APOL4: variants seen among roughly 807,000 people sequenced by gnomAD.
The protein encoded by APOL4 is apolipoprotein L4.
APOL4 carries 14 observed loss-of-function variants against 12.1 expected under a neutral mutation model. That is an observed-to-expected ratio of 1.16 (90% CI 0.76 to 1.81). The LOEUF (loss-of-function observed/expected upper bound fraction) is 1.81. Ranked by LOEUF, APOL4 falls within the 40% of genes most tolerant of loss-of-function variation. The pLI, the probability that APOL4 is intolerant of heterozygous loss-of-function variation, is 0.00. For synonymous variants in APOL4, 171 were observed against 160.6 expected (o/e 1.06, Z -0.49); for missense variants, 432 against 423.1 (o/e 1.02, Z -0.18).
chr22:36,191,296 C>A lies in APOL4; in HGVS notation c.826G>T (p.Gly276Trp). 6.2e-7 allele frequency: 1 copy of A among 1,614,048 alleles called. No individual in the cohort carries two copies. The change falls in exon 4 of 4, where the codon GGG becomes TGG. Residue 276 changes from glycine to tryptophan, a missense_variant. By Grantham distance (184) the Gly-to-Trp change is radical. Transcript: ENST00000683024. ...INVVETLRTRGAPTRIVRKVA... is the reference protein window; with the variant it reads ...INVVETLRTRWAPTRIVRKVA... ...TTTCTCACTATCCGGGTGGGGGCCC[C>A]ACGTGTTCTCAGTGTCTCAACAACA...
At chr22:36,203,122 T>C (rs374522133), upstream of APOL4, among the ~76,000 whole-genome samples, 23 of 152,276 alleles carry the variant, frequency 1.5e-4, no homozygotes, top group East Asian at 2.3e-3. Flanking sequence ...ACCTTCTCAC[T>C]CCCCTGTCTC....
chr22:36,193,881 G>T (rs1256535018), intron 3 of APOL4, among the ~76,000 whole-genome samples: 1 of 152,134 alleles, frequency 6.6e-6, no homozygotes, highest in Non-Finnish European at 1.5e-5. Flanking sequence ...ACTGCCTCCT[G>T]ACCTGGCACC....
chr22:36,202,461 C>T (rs992540470), upstream of APOL4, among the ~76,000 whole-genome samples: 4 of 152,308 alleles, frequency 2.6e-5, no homozygotes, highest in East Asian at 7.7e-4. Context: ...GGAGCGGTGG[C>T]TCACGCCTGT....
At chr22:36,195,237 C>G in intron 3 of APOL4, 74 bp downstream of exon 3, 2 of 1,548,008 alleles carry the variant, frequency 1.3e-6, no homozygotes, top group Non-Finnish European at 1.7e-6. Context: ...GTGTGCCTGC[C>G]AGAGAAAACT....
intron 1 of APOL4, among the ~76,000 whole-genome samples, chr22:36,199,770 G>A (rs1337786810): frequency 1.3e-5 from 2 of 152,198 alleles, no homozygotes; most frequent in Non-Finnish European, 2.9e-5. Context: ...TGTATTGAGT[G>A]TCTGTGATGT....
At chr22:36,191,989 C>G in intron 3 of APOL4, 77 bp from the exon 4 acceptor site, 1 of 1,226,736 alleles carries the variant, frequency 8.2e-7, no homozygotes, top group Non-Finnish European at 1.1e-6. Flanking sequence ...ATCTATTCTG[C>G]ATAAATCACA....
upstream of APOL4, among the ~76,000 whole-genome samples, chr22:36,203,406 A>G (rs751699758): frequency 1.3e-5 from 2 of 152,254 alleles, no homozygotes; most frequent in Non-Finnish European, 2.9e-5. Flanking sequence ...TAATTCTTTA[A>G]CATAACATTC....
At chr22:36,199,699 G>T in intron 1 of APOL4, 2 of 1,501,806 alleles carry the variant, frequency 1.3e-6, no homozygotes, top group Non-Finnish European at 1.8e-6. Flanking sequence ...AATAGAGATG[G>T]GAAGGAACGT....
chr22:36,195,665 A>C (rs2146940631), intron 2 of APOL4, among the ~76,000 whole-genome samples: 1 of 152,114 alleles, frequency 6.6e-6, no homozygotes, highest in East Asian at 1.9e-4. Context: ...GAAGTCATTA[A>C]TTTAAAGGGA....
At chr22:36,202,653 G>A (rs2014617858), upstream of APOL4, among the ~76,000 whole-genome samples, 3 of 152,074 alleles carry the variant, frequency 2.0e-5, no homozygotes, top group African/African-American at 7.2e-5. Context: ...GTGAACCCGG[G>A]AGGCGGAGCT....
intron 2 of APOL4, among the ~76,000 whole-genome samples, chr22:36,195,788 A>T (rs931738432): frequency 2.0e-4 from 30 of 148,980 alleles, no homozygotes; most frequent in African/African-American, 6.9e-4. Context: ...ACACACACAC[A>T]CACACACACA....
Position 36,190,285 on chromosome 22 carries a change from G to C in APOL4, c.*790C>G, listed in dbSNP as rs1389875843. 6.6e-6 allele frequency: 1 copy of C among 152,168 alleles called. No homozygotes were observed. Among genetic ancestry groups the C allele is most frequent in the Non-Finnish European group, 1.5e-5 (1 of 68,042 alleles). 9.4% of individuals were successfully genotyped at this position (152,168 alleles called of 1,614,324 possible). On this transcript the variant is annotated 3_prime_UTR_variant, in exon 4 of 4. Transcript: ENST00000683024. ...AATATCACAAGGCAAGTGGAGGCAG[G>C]GCGAGATCACAGGAACACAGGACCG... is the stretch of plus-strand genomic sequence containing the variant.
intron 2 of APOL4, among the ~76,000 whole-genome samples, chr22:36,196,027 G>A (rs2014405297): frequency 6.6e-6 from 1 of 152,200 alleles, no homozygotes; most frequent in Non-Finnish European, 1.5e-5. Context: ...GAAGTGCCAC[G>A]ATGCTTTGTG....
At chr22:36,193,695 C>A (rs1339391426) in intron 3 of APOL4, among the ~76,000 whole-genome samples, 1 of 152,224 alleles carries the variant, frequency 6.6e-6, no homozygotes, top group East Asian at 1.9e-4. Flanking sequence ...CTTAAGAATT[C>A]AAACACAACC....
rs1242639244 is a variant in APOL4 at position 36,201,781 on chromosome 22, C to T, written c.-47G>A. The T allele has an allele frequency of 1.3e-6, 2 of 1,589,348 alleles. No homozygotes were observed. The highest frequency in any genetic ancestry group is 1.7e-6 in the Non-Finnish European group (2 of 1,167,568). On this transcript the variant is annotated 5_prime_UTR_variant, in exon 1 of 4. Coordinates refer to ENST00000683024, the MANE Select transcript of APOL4 (RefSeq NM_001386885.1). ...TGGCTCAGACGCTGATCTGGGGCCT[C>T]TGCTGAATGTTGAGGCTGGATACTG...
At chr22:36,202,813 T>G (rs2014625426), upstream of APOL4, among the ~76,000 whole-genome samples, 1 of 152,146 alleles carries the variant, frequency 6.6e-6, no homozygotes, top group Non-Finnish European at 1.5e-5. Context: ...CATGGACTTT[T>G]GGCAGCTCTA....
Position 36,191,265 on chromosome 22 carries a change from G to T in APOL4, c.857C>A (p.Ala286Asp). The T allele has an allele frequency of 6.8e-6, 11 of 1,614,050 alleles. No homozygotes were observed. Among genetic ancestry groups the T allele is most frequent in the Non-Finnish European group, 9.3e-6 (11 of 1,179,896 alleles). Reference protein sequence around the residue: ...GAPTRIVRKVARNLGKATSGV... With the variant: ...GAPTRIVRKVDRNLGKATSGV... ...TGAAGTGGCCTTGCCCAGGTTCCGG[G>T]CTACTTTTCTCACTATCCGGGTGGG... Residue 286 changes from alanine to aspartate, a missense_variant, in exon 4 of 4, where the codon GCC becomes GAC. Transcript: ENST00000683024.
chr22:36,189,804 C>A lies in APOL4; in HGVS notation c.*1271G>T. 1 of 153,090 alleles carries A rather than the reference C, an allele frequency of 6.5e-6. No homozygotes were observed. Among genetic ancestry groups the A allele is most frequent in the South Asian group, 1.9e-4 (1 of 5,334 alleles). 9.5% of individuals were successfully genotyped at this position (153,090 alleles called of 1,614,324 possible). A position where few individuals can be genotyped will look rare whatever the true frequency, so the allele number is the denominator to read the frequency against. ...CCAGGCCCCAGCATTTCTGCCTTCT[C>A]CTTGGCGCACTTGCCATCTTGAGTA... On this transcript the variant is annotated 3_prime_UTR_variant, in exon 4 of 4. Transcript: ENST00000683024.
intron 2 of APOL4, among the ~76,000 whole-genome samples, chr22:36,197,259 C>T (rs2014438441): frequency 6.6e-6 from 1 of 152,214 alleles, no homozygotes; most frequent in South Asian, 2.1e-4. Flanking sequence ...GCCCAGTTTG[C>T]TGTCCAGGGC....
Sources: allele counts gnomAD v4.1 joint callset (sites outside exome capture counted in the v4.1 genomes callset), GRCh38; gene constraint gnomAD v4.1.1; transcripts MANE v1.5; gene names NCBI Gene and HGNC (gene_info 2026-07-23, HGNC 2026-07-21).